IGFBP2: variants seen among roughly 807,000 people sequenced by gnomAD.
IGFBP2 encodes the protein insulin-like growth factor-binding protein 2.
A neutral mutation model predicts 26.2 loss-of-function variants in IGFBP2; 12 were observed. The observed-to-expected ratio is 0.46, with a 90% CI of 0.29 to 0.74. The LOEUF (loss-of-function observed/expected upper bound fraction) is 0.74, where lower values mean the gene tolerates loss of function less well. IGFBP2 is among the 30% of genes least tolerant of loss of function. The pLI is 0.09. For missense variants in IGFBP2, 328 were observed against 441.2 expected (o/e 0.74, Z 2.30); for synonymous variants, 189 against 200.6 (o/e 0.94, Z 0.49).
chr2:216,633,494 G>A lies in IGFBP2; in HGVS notation c.-30G>A. The A allele has an allele frequency of 3.2e-6, 2 of 628,226 alleles. No individual in the cohort carries two copies. Among genetic ancestry groups the A allele is most frequent in the African/African-American group, 2.0e-5 (1 of 50,142 alleles). The allele number at this position is 628,226 out of a possible 1,614,324, so 38.9% of individuals were successfully genotyped here. ...TGCCCGCCCGCCCGCTCGCTCGCTC[G>A]CCCGCCGCGCCGCGCTGCCGACCGC... is the stretch of plus-strand genomic sequence containing the variant. On this transcript the variant is annotated 5_prime_UTR_variant, in exon 1 of 4. Transcript: ENST00000233809.
At chr2:216,660,116 G>T (rs1011395693) in intron 1 of IGFBP2, among the ~76,000 whole-genome samples, 26 of 152,064 alleles carry the variant, frequency 1.7e-4, no homozygotes, top group African/African-American at 6.3e-4. Flanking sequence ...GGGAGAATTT[G>T]GGGGGGTCCC....
chr2:216,645,274 TGCG>T (rs1287298514), intron 1 of IGFBP2, among the ~76,000 whole-genome samples: 1 of 152,168 alleles, frequency 6.6e-6, no homozygotes, highest in Non-Finnish European at 1.5e-5. Flanking sequence ...AAGAGGCTTT[TGCG>T]GTTGAGTAGG....
At chr2:216,654,259 T>C (rs1223136614) in intron 1 of IGFBP2, among the ~76,000 whole-genome samples, 1 of 152,160 alleles carries the variant, frequency 6.6e-6, no homozygotes, top group Non-Finnish European at 1.5e-5. Context: ...GCTATGTGGG[T>C]ACTTCCTGGT....
intron 1 of IGFBP2, among the ~76,000 whole-genome samples, chr2:216,643,774 G>A (rs1205554333): frequency 3.3e-5 from 5 of 152,294 alleles, no homozygotes; most frequent in East Asian, 3.9e-4. Context: ...CAAGCTTGGC[G>A]TAGACTCTTG....
chr2:216,655,715 T>G (rs561505649), intron 1 of IGFBP2, among the ~76,000 whole-genome samples: 137 of 152,090 alleles, frequency 9.0e-4, no homozygotes, highest in African/African-American at 3.1e-3. Flanking sequence ...GCCAACATGG[T>G]GAAATCCTGT....
In IGFBP2 at chr2:216,660,675, G is replaced by A. The variant is rs2106206885; in HGVS notation, c.561G>A (p.Glu187=). 6.2e-7 allele frequency: 1 copy of A among 1,614,136 alleles called. No individual in the cohort carries two copies. The highest frequency in any genetic ancestry group is 1.7e-5 in the Admixed American group (1 of 60,026). ...AGCCCCTCAAGTCGGGTATGAAGGA[G>A]CTGGCCGTGTTCCGGGAGAAGGTCA... The part of the protein sequence containing the change: ...GRKPLKSGMK[E]LAVFREKVTE... The change falls in exon 2 of 4, where the codon GAG becomes GAA. Residue 187 remains glutamate, a synonymous_variant. Transcript: ENST00000233809.
chr2:216,649,277 A>G (rs1340193693), intron 1 of IGFBP2, among the ~76,000 whole-genome samples: 1 of 152,180 alleles, frequency 6.6e-6, no homozygotes, highest in Non-Finnish European at 1.5e-5. Context: ...ACTGCTATAT[A>G]TTGTTCCTTT....
At chr2:216,644,989 T>C (rs1697683507) in intron 1 of IGFBP2, among the ~76,000 whole-genome samples, 1 of 152,230 alleles carries the variant, frequency 6.6e-6, no homozygotes. Context: ...TTAAGGCATA[T>C]CTTCTCAAAA....
chr2:216,637,820 C>T (rs1457880735), intron 1 of IGFBP2, among the ~76,000 whole-genome samples: 1 of 152,204 alleles, frequency 6.6e-6, no homozygotes, highest in Admixed American at 6.5e-5. Flanking sequence ...CACTGTTGGC[C>T]TACTTCAGCA....
upstream of IGFBP2, chr2:216,633,075 G>C (rs895461490): frequency 1.3e-5 from 2 of 152,190 alleles, no homozygotes; most frequent in African/African-American, 4.8e-5. Flanking sequence ...CCGGCCACAG[G>C]GGAAGCGCGC....
At chr2:216,659,619 A>G in intron 1 of IGFBP2, 1 of 925,932 alleles carries the variant, frequency 1.1e-6, no homozygotes, top group South Asian at 1.4e-5. Context: ...CCAGAGTGAG[A>G]CTGTGGCAGG....
intron 3 of IGFBP2, chr2:216,663,409 C>G (rs1005337221): frequency 6.6e-6 from 1 of 152,364 alleles, no homozygotes; most frequent in Non-Finnish European, 1.5e-5. Context: ...ATCTGTGCTT[C>G]AGTTTTATCA....
chr2:216,661,248 A>G (rs1296819292), intron 2 of IGFBP2: 1 of 260,666 alleles, frequency 3.8e-6, no homozygotes, highest in Non-Finnish European at 7.4e-6. Flanking sequence ...GACTATAGGC[A>G]TGCACCACCA....
chr2:216,660,876 C>G (rs1288197030), intron 2 of IGFBP2, 90 bp downstream of exon 2: 3 of 963,864 alleles, frequency 3.1e-6, no homozygotes, highest in East Asian at 2.6e-5. Flanking sequence ...AGACCCTCAT[C>G]TGGTGTGACC....
At chr2:216,650,332 G>T (rs1227854863) in intron 1 of IGFBP2, among the ~76,000 whole-genome samples, 1 of 152,232 alleles carries the variant, frequency 6.6e-6, no homozygotes, top group East Asian at 1.9e-4. Context: ...ACCCTGCTTA[G>T]CGTCACTCAG....
At chr2:216,654,174 A>G (rs1233508589) in intron 1 of IGFBP2, among the ~76,000 whole-genome samples, 1 of 152,186 alleles carries the variant, frequency 6.6e-6, no homozygotes, top group Non-Finnish European at 1.5e-5. Flanking sequence ...TTGTTCTTGC[A>G]GCCTATAAGA....
intron 1 of IGFBP2, among the ~76,000 whole-genome samples, chr2:216,639,000 C>CA (rs1437578187): frequency 6.7e-6 from 1 of 148,408 alleles, no homozygotes; most frequent in African/African-American, 2.5e-5. Context: ...GGTGCCCGAC[C>CA]AGGCTAATTT....
At chr2:216,641,198 C>G (rs1697606267) in intron 1 of IGFBP2, among the ~76,000 whole-genome samples, 1 of 152,172 alleles carries the variant, frequency 6.6e-6, no homozygotes, top group African/African-American at 2.4e-5. Context: ...TACATGTTAG[C>G]TGCCTTAATC....
chr2:216,652,266 C>T (rs1374868560), intron 1 of IGFBP2, among the ~76,000 whole-genome samples: 2 of 149,244 alleles, frequency 1.3e-5, no homozygotes, highest in African/African-American at 2.5e-5. Flanking sequence ...CTCCGCTTCC[C>T]GGGTTCAAGT....
Sources: allele counts gnomAD v4.1 joint callset (sites outside exome capture counted in the v4.1 genomes callset), GRCh38; gene constraint gnomAD v4.1.1; transcripts MANE v1.5; gene names NCBI Gene and HGNC (gene_info 2026-07-23, HGNC 2026-07-21).